Variants in SLC9A7 observed in about 807,000 individuals in gnomAD.
SLC9A7 encodes the protein solute carrier family 9 member A7.
Under a neutral mutation model 52.6 loss-of-function variants are expected in SLC9A7, and 19 were observed. The ratio of observed to expected loss-of-function variants is 0.36; its 90% CI spans 0.25 to 0.53. The LOEUF is 0.53. Among genes scored for constraint, SLC9A7 ranks in the 20% least tolerant of loss-of-function variants. SLC9A7 has a pLI of 0.91. For synonymous variants in SLC9A7, 226 were observed against 252.1 expected, an observed-to-expected ratio of 0.90 and a Z score of 0.98; for missense variants, 455 against 597.9, an observed-to-expected ratio of 0.76 and a Z score of 2.49.
chrX:46,722,230 C>A (rs1944872220), intron 1 of SLC9A7, among the ~76,000 whole-genome samples: 1 of 111,802 alleles, frequency 8.9e-6, no homozygotes, highest in South Asian at 3.7e-4. Context: ...AAAGCCTTAA[C>A]TTAGAGTTTT....
At chrX:46,731,637 A>G (rs1396912161) in intron 1 of SLC9A7, among the ~76,000 whole-genome samples, 4 of 109,792 alleles carry the variant, frequency 3.6e-5, no homozygotes, top group African/African-American at 6.6e-5. Flanking sequence ...AAATAAAAAA[A>G]TTGAAGATTC....
intron 1 of SLC9A7, among the ~76,000 whole-genome samples, chrX:46,740,012 C>G (rs1334449316): frequency 2.7e-5 from 3 of 111,684 alleles, no homozygotes; most frequent in Non-Finnish European, 5.6e-5. Flanking sequence ...AAATGTACAG[C>G]AGTCAACAGA....
chrX:46,694,849 T>A (rs1944427086), intron 1 of SLC9A7, among the ~76,000 whole-genome samples: 1 of 112,346 alleles, frequency 8.9e-6, no homozygotes, highest in South Asian at 3.7e-4. Context: ...CATCAACTGA[T>A]GAATGGATAA....
chrX:46,753,706 G>A (rs1184953754), intron 1 of SLC9A7, among the ~76,000 whole-genome samples: 10 of 111,750 alleles, frequency 8.9e-5, no homozygotes, highest in South Asian at 3.7e-4. Flanking sequence ...GGTGTGGGCC[G>A]GGCACGGTGG....
chrX:46,753,045 AAAT>A (rs1922353170), intron 1 of SLC9A7, among the ~76,000 whole-genome samples: 1 of 112,388 alleles, frequency 8.9e-6, no homozygotes, highest in Admixed American at 9.5e-5. Flanking sequence ...TATAACTTTC[AAAT>A]AATAAGTAAA....
chrX:46,714,554 A>G (rs1231136294), intron 1 of SLC9A7, among the ~76,000 whole-genome samples: 1 of 111,439 alleles, frequency 9.0e-6, no homozygotes, highest in Non-Finnish European at 1.9e-5. Context: ...TATTGCCTCC[A>G]TACTTATGGA....
intron 4 of SLC9A7, 101 bp downstream of exon 4, chrX:46,672,450 C>T (rs768328276): frequency 8.6e-6 from 5 of 583,491 alleles, no homozygotes; most frequent in Admixed American, 8.3e-5. Context: ...ATCCTGACTG[C>T]CATCATCAAA....
At chrX:46,748,362 A>AG (rs1281957432) in intron 1 of SLC9A7, among the ~76,000 whole-genome samples, 229 of 63,102 alleles carry the variant, frequency 3.6e-3, no homozygotes, top group Middle Eastern at 7.7e-3. Context: ...AAAAAAAGAA[A>AG]GAAAGGAAGG....
rs755380553 is a variant in SLC9A7, at chrX:46,616,249, A to C, written c.1824-2855T>G. Among the ~76,000 whole-genome samples the C allele has an allele frequency of 3.1e-3, 316 of 102,218 alleles. 1 individual carries two copies. The highest frequency in any genetic ancestry group is 0.011 in the African/African-American group (305 of 27,982). The allele number at this position is 102,218 out of a possible 115,157, so 88.8% of individuals were successfully genotyped here. On this transcript the variant is annotated intron_variant, in intron 15 of 16. Coordinates refer to ENST00000616978, the MANE Select transcript of SLC9A7 (RefSeq NM_001257291.2). ...GTGGGAGGATCACTTGAGCCTAGGG[A>C]GGTCAAGGCTGCAGTGAGTTATGAT... is the stretch of plus-strand genomic sequence containing the variant.
chrX:46,616,029 C>A (rs1443823906), intron 15 of SLC9A7, among the ~76,000 whole-genome samples: 2 of 109,721 alleles, frequency 1.8e-5, no homozygotes, highest in East Asian at 2.8e-4. Context: ...GTGTTAAAAA[C>A]CAGTAAGCAG....
intron 7 of SLC9A7, among the ~76,000 whole-genome samples, chrX:46,654,967 T>C (rs939920160): frequency 4.1e-5 from 4 of 98,132 alleles, no homozygotes; most frequent in African/African-American, 1.6e-4. Flanking sequence ...TCTTTTTTTC[T>C]TTCTTTCTTT....
chrX:46,743,114 T>C (rs1921489209), intron 1 of SLC9A7, among the ~76,000 whole-genome samples: 1 of 111,451 alleles, frequency 9.0e-6, no homozygotes, highest in African/African-American at 3.3e-5. Flanking sequence ...TGGATGAAAC[T>C]GAGGAAGCCT....
chrX:46,671,308 T>C (rs1363585113), intron 4 of SLC9A7, among the ~76,000 whole-genome samples: 1 of 110,818 alleles, frequency 9.0e-6, no homozygotes, highest in Non-Finnish European at 1.9e-5. Context: ...TCGCCCAGGC[T>C]GGAGTGCAAT....
intron 7 of SLC9A7, among the ~76,000 whole-genome samples, chrX:46,655,590 T>G (rs954800438): frequency 1.2e-4 from 13 of 112,028 alleles, no homozygotes; most frequent in Admixed American, 2.8e-4. Context: ...TTCCCTTTCC[T>G]AGTCAAAGAA....
In SLC9A7 at chrX:46,759,113, C is replaced by T. The variant is rs191507051; in HGVS notation, c.-84G>A. On this transcript the variant is annotated 5_prime_UTR_variant, in exon 1 of 17. Coordinates refer to ENST00000616978, the MANE Select transcript of SLC9A7 (RefSeq NM_001257291.2). The stretch of plus-strand genomic sequence containing the variant: ...GGTTCTGGCAGCACCGCGGACCTGC[C>T]GGAGTGGCCGTGGCCGCTGCAGCTC... The T allele has an allele frequency of 0.016, 10,095 of 627,503 alleles. 733 individuals carry two copies. In the African/African-American group the frequency reaches 0.21, roughly 13 times the overall value. The allele number at this position is 627,503 out of a possible 1,213,427, so 51.7% of individuals were successfully genotyped here.
intron 5 of SLC9A7, among the ~76,000 whole-genome samples, chrX:46,667,377 G>C (rs1487592588): frequency 9.0e-6 from 1 of 110,949 alleles, no homozygotes; most frequent in Non-Finnish European, 1.9e-5. Context: ...GGGTAAGAGA[G>C]GTCAATGTTT....
intron 1 of SLC9A7, among the ~76,000 whole-genome samples, chrX:46,728,875 G>C (rs1303327009): frequency 8.9e-6 from 1 of 112,398 alleles, no homozygotes; most frequent in Non-Finnish European, 1.9e-5. Flanking sequence ...TATGCTAAGT[G>C]AAAGAAGCTA....
At chrX:46,609,721 GAAAAC>G (rs1487444311) in intron 16 of SLC9A7, among the ~76,000 whole-genome samples, 4 of 107,807 alleles carry the variant, frequency 3.7e-5, no homozygotes, top group Non-Finnish European at 5.8e-5. Context: ...CAAAACAAAA[GAAAAC>G]AAAAAAAAAC....
intron 12 of SLC9A7, among the ~76,000 whole-genome samples, chrX:46,639,956 A>G (rs1268863882): frequency 4.5e-5 from 5 of 112,199 alleles, no homozygotes; most frequent in Non-Finnish European, 9.4e-5. Context: ...TTCTAAATAA[A>G]TGGAGAAATA....
Sources: gnomAD v4.1 joint callset for allele counts (sites outside exome capture counted in the v4.1 genomes callset) on GRCh38, gnomAD v4.1.1 for gene constraint, MANE v1.5 for transcripts, NCBI Gene and HGNC (gene_info 2026-07-23, HGNC 2026-07-21) for gene names.